The following PRKN variants were observed in gnomAD, a reference collection of about 807,000 sequenced individuals.
PRKN encodes E3 ubiquitin-protein ligase parkin.
A neutral mutation model predicts 59.5 loss-of-function variants in PRKN; 56 were observed. That is an observed-to-expected ratio of 0.94 (90% CI 0.76 to 1.18). PRKN has a LOEUF of 1.18. PRKN is among the 50% of genes most tolerant of loss of function. The pLI is 0.00. For synonymous variants in PRKN, 250 were observed against 222.1 expected (o/e 1.13, Z -1.12); for missense variants, 657 against 596.4 (o/e 1.10, Z -1.06).
rs144032699 is a variant in PRKN at position 161,508,994 on chromosome 6, G to A, written c.1083+39860C>T. 3.9e-3 allele frequency among the ~76,000 whole-genome samples: 594 copies of A among 152,140 alleles called. 2 individuals are homozygous for A. Among genetic ancestry groups the A allele is most frequent in the African/African-American group, 0.013 (545 of 41,506 alleles). ...CAAGTAGCTGGGATTACAGGCATGC[G>A]CCACCATGCCCAGCTAATTTTGTAT... On this transcript the variant is annotated intron_variant, in intron 9 of 11. Coordinates refer to ENST00000366898, the MANE Select transcript of PRKN (RefSeq NM_004562.3).
chr6:161,380,910 C>T (rs762973698), intron 10 of PRKN, among the ~76,000 whole-genome samples: 5 of 152,144 alleles, frequency 3.3e-5, no homozygotes, highest in Non-Finnish European at 7.4e-5. Flanking sequence ...AGCTGTGTAG[C>T]AGGTGTCTCC....
chr6:162,029,044 C>T (rs1052671368), intron 5 of PRKN, among the ~76,000 whole-genome samples: 3 of 152,206 alleles, frequency 2.0e-5, no homozygotes, highest in Admixed American at 2.0e-4. Flanking sequence ...TAGCATCAAC[C>T]ATTAAAGTGA....
intron 2 of PRKN, among the ~76,000 whole-genome samples, chr6:162,313,513 G>C (rs947504421): frequency 6.6e-6 from 1 of 151,698 alleles, no homozygotes; most frequent in African/African-American, 2.4e-5. Flanking sequence ...TTGAAATGTA[G>C]TTTTGCTCTT....
chr6:162,076,488 CT>C (rs1778832288), intron 4 of PRKN, among the ~76,000 whole-genome samples: 1 of 152,238 alleles, frequency 6.6e-6, no homozygotes, highest in African/African-American at 2.4e-5. Flanking sequence ...TGTTTCCTCT[CT>C]TCTATCTTTC....
At chr6:162,536,776 G>GA (rs1482331447) in intron 1 of PRKN, among the ~76,000 whole-genome samples, 6 of 152,108 alleles carry the variant, frequency 3.9e-5, no homozygotes, top group African/African-American at 1.4e-4. Context: ...CAAGAAATAT[G>GA]AATAAACACA....
intron 1 of PRKN, among the ~76,000 whole-genome samples, chr6:162,570,989 A>C (rs1421801952): frequency 1.3e-5 from 2 of 152,168 alleles, no homozygotes; most frequent in Admixed American, 1.3e-4. Context: ...TGGATACTCC[A>C]TTTTCCATGT....
chr6:162,356,693 C>A (rs1784875605), intron 2 of PRKN, among the ~76,000 whole-genome samples: 1 of 144,630 alleles, frequency 6.9e-6, no homozygotes, highest in Non-Finnish European at 1.5e-5. Context: ...ATCATTGGTA[C>A]CACCCGACTT....
intron 2 of PRKN, among the ~76,000 whole-genome samples, chr6:162,391,268 C>T (rs1290220543): frequency 1.3e-5 from 2 of 151,654 alleles, no homozygotes. Context: ...ACGTGGATTT[C>T]GAAAATCTGC....
At chr6:161,710,847 T>TC (rs58794482) in intron 7 of PRKN, among the ~76,000 whole-genome samples, 4 of 51,536 alleles carry the variant, frequency 7.8e-5, no homozygotes, top group Non-Finnish European at 1.3e-4. Flanking sequence ...CCCCTTTCCT[T>TC]CTTCCCTTCC....
chr6:161,431,738 G>T (rs1345292773), intron 9 of PRKN, among the ~76,000 whole-genome samples: 1 of 151,616 alleles, frequency 6.6e-6, no homozygotes, highest in African/African-American at 2.4e-5. Flanking sequence ...TCAGCCTCCC[G>T]AGTAGCTGGG....
chr6:161,678,364 T>G (rs1582990365), intron 7 of PRKN, among the ~76,000 whole-genome samples: 1 of 151,408 alleles, frequency 6.6e-6, no homozygotes. Flanking sequence ...TTCTATACAA[T>G]GGGGACAAGT....
At chr6:162,256,691 C>G (rs1779651556) in intron 3 of PRKN, among the ~76,000 whole-genome samples, 1 of 152,160 alleles carries the variant, frequency 6.6e-6, no homozygotes, top group South Asian at 2.1e-4. Flanking sequence ...TGATTTGCTT[C>G]ACTGGCCATG....
intron 2 of PRKN, among the ~76,000 whole-genome samples, chr6:162,377,777 T>C (rs1786199511): frequency 6.6e-6 from 1 of 152,144 alleles, no homozygotes; most frequent in Admixed American, 6.5e-5. Flanking sequence ...GCACGGAGAT[T>C]AGCAACCCAA....
intron 4 of PRKN, among the ~76,000 whole-genome samples, chr6:162,144,805 C>T (rs145025532): frequency 3.2e-4 from 48 of 152,236 alleles, no homozygotes; most frequent in African/African-American, 1.2e-3. Context: ...AGTGGAAAGT[C>T]TCACACTGAC....
At position 162,572,333 on chromosome 6, in the gene PRKN, G is replaced by A. The variant is rs78279188; in HGVS notation, c.8-128860C>T. ...GCTACAGAATAAACACTCAGCACTCGTGAAAAAGAATTTATGGCTACAGAA... is the reference window on the plus strand; with the variant it reads ...GCTACAGAATAAACACTCAGCACTCATGAAAAAGAATTTATGGCTACAGAA... On this transcript the variant is annotated intron_variant, in intron 1 of 11. Transcript: ENST00000366898. 1.8e-3 allele frequency among the ~76,000 whole-genome samples: 281 copies of A among 152,254 alleles called. 3 individuals carry two copies. Among genetic ancestry groups the A allele is most frequent in the African/African-American group, 6.6e-3 (273 of 41,534 alleles).
rs370179659 is a variant in PRKN at position 161,610,492 on chromosome 6, T to TACACACACACACAC, written c.872-41090_872-41077dup. On this transcript the variant is annotated intron_variant, in intron 7 of 11. Transcript: ENST00000366898. ...GAAAAATGTATATGTATATTAATAA[T>TACACACACACACAC]ACACACACACACACACACACACACA... Among the ~76,000 whole-genome samples the TACACACACACACAC allele has an allele frequency of 2.6e-3, 364 of 139,846 alleles. 3 individuals are homozygous for TACACACACACACAC. The highest frequency in any genetic ancestry group is 9.2e-3 in the African/African-American group (350 of 37,950). The allele number at this position is 139,846 out of a possible 152,430, so 91.7% of individuals were successfully genotyped here.
At chr6:161,885,466 C>G (rs545700132) in intron 6 of PRKN, among the ~76,000 whole-genome samples, 1 of 152,036 alleles carries the variant, frequency 6.6e-6, no homozygotes, top group East Asian at 1.9e-4. Context: ...AGATAGAGAC[C>G]ATCCTGGCTA....
At chr6:162,575,888 C>G (rs1185187126) in intron 1 of PRKN, among the ~76,000 whole-genome samples, 1 of 152,168 alleles carries the variant, frequency 6.6e-6, no homozygotes, top group Non-Finnish European at 1.5e-5. Flanking sequence ...ATCTCTTGTA[C>G]ACTCTTGCAA....
intron 4 of PRKN, among the ~76,000 whole-genome samples, chr6:162,177,484 A>G (rs917379635): frequency 1.3e-5 from 2 of 152,180 alleles, no homozygotes; most frequent in African/African-American, 4.8e-5. Flanking sequence ...TTAATTTGAA[A>G]GCTATTTCAT....
Sources: allele counts gnomAD v4.1 joint callset (sites outside exome capture counted in the v4.1 genomes callset), GRCh38; gene constraint gnomAD v4.1.1; transcripts MANE v1.5; gene names NCBI Gene and HGNC (gene_info 2026-07-23, HGNC 2026-07-21).